Variants in HS1BP3 observed in about 807,000 individuals in gnomAD.
HS1BP3 encodes HCLS1 binding protein 3.
A neutral mutation model predicts 33.5 loss-of-function variants in HS1BP3; 32 were observed. The observed-to-expected ratio is 0.95, with a 90% CI of 0.72 to 1.28. The LOEUF (loss-of-function observed/expected upper bound fraction) is 1.28, where lower values mean the gene tolerates loss of function less well. HS1BP3 is among the 50% of genes most tolerant of loss of function. HS1BP3 has a pLI of 0.00. For missense variants in HS1BP3, 486 were observed against 502.3 expected (o/e 0.97, Z 0.31); for synonymous variants, 187 against 209.2 (o/e 0.89, Z 0.92).
At chr2:20,621,371 G>T (rs1026207158) in intron 6 of HS1BP3, among the ~76,000 whole-genome samples, 13 of 152,274 alleles carry the variant, frequency 8.5e-5, no homozygotes, top group Admixed American at 5.2e-4. Flanking sequence ...GGATGGCAGA[G>T]AAATGAATAA....
chr2:20,577,376 C>G (rs1272619179), intron 5 of HS1BP3, among the ~76,000 whole-genome samples: 5 of 152,150 alleles, frequency 3.3e-5, no homozygotes, highest in African/African-American at 1.2e-4. Context: ...AGCTTCCCAA[C>G]CATTGGCTGG....
Position 20,623,987 on chromosome 2 carries a change from G to C in HS1BP3, c.829C>G (p.Leu277Val). 1 of 1,611,882 alleles carries C rather than the reference G, an allele frequency of 6.2e-7. No homozygotes were observed. Among genetic ancestry groups the C allele is most frequent in the African/African-American group, 1.3e-5 (1 of 75,016 alleles). ...GCTGGCAGCAGGAGGGAGTCACCCA[G>C]GGGGATGGCCCCGCCGAGGTCAGGA... ...DDPDLGGAIP[L>V]GDSLLLPAAC... Residue 277 changes from leucine to valine, a missense_variant, in exon 6 of 7, where the codon CTG becomes GTG. Transcript: ENST00000304031.
intron 2 of HS1BP3, chr2:20,606,773 T>C: frequency 4.9e-6 from 1 of 203,254 alleles, no homozygotes; most frequent in Non-Finnish European, 9.9e-6. Flanking sequence ...AATAAATGCC[T>C]ATGTAAATCC....
chr2:20,619,288 C>T (rs1694521278), intron 6 of HS1BP3, 43 bp from the exon 7 acceptor site: 1 of 1,486,536 alleles, frequency 6.7e-7, no homozygotes, highest in Non-Finnish European at 9.1e-7. Context: ...ACACTGCCAC[C>T]CCGTGACAGG....
chr2:20,623,704 G>A (rs72782397), intron 6 of HS1BP3, 192 bp downstream of exon 6: 27,130 of 552,836 alleles, frequency 0.049, 793 homozygotes, highest in Middle Eastern at 0.061. Context: ...AGCAGCCCTG[G>A]GCTGCGGATC....
intron 2 of HS1BP3, chr2:20,606,303 G>C (rs1694175461): frequency 2.2e-6 from 1 of 452,852 alleles, no homozygotes. Context: ...CCAGCAGCTG[G>C]TGCATCTCCA....
At chr2:20,620,433 C>A (rs921428842) in intron 6 of HS1BP3, among the ~76,000 whole-genome samples, 1 of 152,198 alleles carries the variant, frequency 6.6e-6, no homozygotes, top group Non-Finnish European at 1.5e-5. Context: ...GGCATCTCTA[C>A]GTCTATCGCT....
chr2:20,602,870 C>T lies in HS1BP3; in HGVS notation c.179-4605G>A, dbSNP rs1002646407. On this transcript the variant is annotated intron_variant, in intron 2 of 3. Transcript: ENST00000415264. ...TCGGGAATACATAAGAAGCTCTTTTCGAAAACTCAATAATAAAAAGACAAC... is the reference window on the plus strand; with the variant it reads ...TCGGGAATACATAAGAAGCTCTTTTTGAAAACTCAATAATAAAAAGACAAC... Among the ~76,000 whole-genome samples, 3 of 152,130 alleles carry T rather than the reference C, an allele frequency of 2.0e-5. 1 individual carries two copies. The highest frequency in any genetic ancestry group is 4.2e-4 in the South Asian group (2 of 4,812).
rs1277822539 is a variant in HS1BP3 at position 20,565,168 on chromosome 2, G to A, written c.303-4653C>T. ...GCTCAGTTAGCCAGCAAAGACCTAA[G>A]ACTAGGAGGCCCAGAGCAGAGCTAG... On this transcript the variant is annotated intron_variant, in intron 5 of 5. Transcript: ENST00000446825. 2.0e-5 allele frequency among the ~76,000 whole-genome samples: 3 copies of A among 152,172 alleles called. No homozygotes were observed. In the East Asian group the frequency reaches 5.8e-4, roughly 29 times the overall value.
chr2:20,554,870 A>G, the HS1BP3 span, among the ~76,000 whole-genome samples: 232 of 151,850 alleles, frequency 1.5e-3, 1 homozygote, highest in African/African-American at 5.4e-3. Context: ...CCTTGCATCC[A>G]CCCCCTACTT....
chr2:20,589,049 C>T (rs926351057), downstream of HS1BP3, among the ~76,000 whole-genome samples: 5 of 152,238 alleles, frequency 3.3e-5, no homozygotes, highest in African/African-American at 9.6e-5. Flanking sequence ...CCATTTCTTC[C>T]ATCTGGGCAT....
chr2:20,650,443 G>A (rs553933062), intron 1 of HS1BP3, among the ~76,000 whole-genome samples: 3 of 152,322 alleles, frequency 2.0e-5, no homozygotes, highest in South Asian at 4.1e-4. Context: ...GGCTTTTGCT[G>A]TAACTTGCGC....
chr2:20,650,927 C>G, intron 1 of HS1BP3, 105 bp downstream of exon 1: 1 of 1,038,736 alleles, frequency 9.6e-7, no homozygotes, highest in Non-Finnish European at 1.2e-6. Context: ...CTGGGGAGAC[C>G]TGCACCAGGT....
chr2:20,643,286 T>C (rs1695414961), intron 2 of HS1BP3, among the ~76,000 whole-genome samples: 1 of 152,198 alleles, frequency 6.6e-6, no homozygotes, highest in Admixed American at 6.5e-5. Context: ...ACACCTTGCA[T>C]GTAAGGCCGG....
chr2:20,634,070 G>T (rs1695046612), intron 4 of HS1BP3, among the ~76,000 whole-genome samples: 1 of 152,250 alleles, frequency 6.6e-6, no homozygotes, highest in Admixed American at 6.5e-5. Context: ...GCACAGCAGA[G>T]AACTCGTCCA....
chr2:20,631,349 A>G (rs983800010), intron 4 of HS1BP3, among the ~76,000 whole-genome samples: 3 of 151,770 alleles, frequency 2.0e-5, no homozygotes, highest in Admixed American at 6.6e-5. Flanking sequence ...CCTCATCTCT[A>G]CAAAAAGTAG....
chr2:20,627,074 G>A (rs767836170), intron 4 of HS1BP3, among the ~76,000 whole-genome samples: 2 of 152,232 alleles, frequency 1.3e-5, no homozygotes, highest in African/African-American at 4.8e-5. Context: ...AGCCAGGCTC[G>A]CAGCCACTGT....
At chr2:20,622,388 G>A in intron 6 of HS1BP3, 1 of 1,216,060 alleles carries the variant, frequency 8.2e-7, no homozygotes, top group Non-Finnish European at 1.1e-6. Flanking sequence ...GAAGGTGGGG[G>A]TGCGGGACCC....
intron 4 of HS1BP3, among the ~76,000 whole-genome samples, chr2:20,625,164 C>T (rs1475757519): frequency 2.0e-5 from 3 of 152,334 alleles, no homozygotes; most frequent in South Asian, 2.1e-4. Context: ...AGCAGGCCAG[C>T]GAAGGTGGTT....
Sources: allele counts gnomAD v4.1 joint callset (sites outside exome capture counted in the v4.1 genomes callset), GRCh38; gene constraint gnomAD v4.1.1; transcripts MANE v1.5; gene names NCBI Gene and HGNC (gene_info 2026-07-23, HGNC 2026-07-21).